C11orf65: variants seen among roughly 807,000 people sequenced by gnomAD.
C11orf65 encodes the protein protein MFI.
C11orf65 carries 38 observed loss-of-function variants against 35.3 expected under a neutral mutation model. The ratio of observed to expected loss-of-function variants is 1.08; its 90% CI spans 0.83 to 1.41. The LOEUF is 1.41. Among genes scored for constraint, C11orf65 ranks in the 40% most tolerant of loss-of-function variants. C11orf65 has a pLI of 0.00. For synonymous variants in C11orf65, 105 were observed against 114.4 expected (o/e 0.92, Z 0.53); for missense variants, 370 against 367.1 (o/e 1.01, Z -0.06).
At chr11:108,336,141 T>TAA (rs374306537) in intron 2 of C11orf65, 38 of 440,928 alleles carry the variant, frequency 8.6e-5, no homozygotes, top group African/African-American at 1.6e-4. Flanking sequence ...GACAAAAAGT[T>TAA]AAAAAAAAAA....
chr11:108,413,766 T>C (rs745351023), intron 3 of C11orf65, among the ~76,000 whole-genome samples: 6 of 152,114 alleles, frequency 3.9e-5, no homozygotes, highest in Non-Finnish European at 7.4e-5. Context: ...AACAGAGAGA[T>C]AACTGGAAAA....
intron 2 of C11orf65, among the ~76,000 whole-genome samples, chr11:108,449,819 C>T (rs1024672531): frequency 6.6e-6 from 1 of 151,842 alleles, no homozygotes; most frequent in Admixed American, 6.6e-5. Context: ...TTCTGCACAG[C>T]AAAAGAAACT....
rs374551964 is a variant in C11orf65 at position 108,321,399 on chromosome 11, G to C, written c.641-12328C>G. 48 of 1,614,046 alleles carry C rather than the reference G, an allele frequency of 3.0e-5. No individual in the cohort carries two copies. Among genetic ancestry groups the C allele is most frequent in the Non-Finnish European group, 4.0e-5 (47 of 1,180,024 alleles). ...TTGCAGGCCATTGGAGAGCTGGAAAGCATTGGGGAGCTTTTCTCAAGGTAT... is the reference window on the plus strand; with the variant it reads ...TTGCAGGCCATTGGAGAGCTGGAAACCATTGGGGAGCTTTTCTCAAGGTAT... On this transcript the variant is annotated intron_variant, in intron 6 of 6. Coordinates refer to the C11orf65 transcript ENST00000525729.
Position 108,406,922 on chromosome 11 carries a change from G to A in C11orf65, c.270C>T (p.His90=). The A allele has an allele frequency of 6.2e-7, 1 of 1,612,418 alleles. No homozygotes were observed. The highest frequency in any genetic ancestry group is 8.5e-7 in the Non-Finnish European group (1 of 1,178,716). ...TAGCACAGAGATCTTCAATAGGTCT[G>A]TGAGTAAAAATCTTATAGTATATAT... ...PPDIYYKIFT[H]RPIEDLCANS... The change falls in exon 5 of 9, where the codon CAC becomes CAT. Residue 90 remains histidine, a synonymous_variant. Coordinates refer to ENST00000393084, the MANE Select transcript of C11orf65 (RefSeq NM_152587.5).
At chr11:108,333,003 A>G (rs890962335) in intron 3 of C11orf65, 6 of 1,402,652 alleles carry the variant, frequency 4.3e-6, no homozygotes, top group South Asian at 1.2e-5. Flanking sequence ...TAAAATCACA[A>G]ACGTAATCCA....
intron 2 of C11orf65, among the ~76,000 whole-genome samples, chr11:108,432,397 C>A (rs1165296324): frequency 6.6e-6 from 1 of 152,176 alleles, no homozygotes; most frequent in Admixed American, 6.5e-5. Flanking sequence ...GTTACCATTG[C>A]AGAATCCTCC....
intron 6 of C11orf65, among the ~76,000 whole-genome samples, chr11:108,316,805 A>C (rs1034351735): frequency 6.7e-6 from 1 of 149,600 alleles, no homozygotes; most frequent in South Asian, 2.1e-4. Context: ...GGGTGCCTGT[A>C]GGCCCAGCTA....
intron 6 of C11orf65, among the ~76,000 whole-genome samples, chr11:108,404,493 C>T (rs1367538308): frequency 1.3e-5 from 2 of 151,760 alleles, no homozygotes; most frequent in African/African-American, 2.4e-5. Flanking sequence ...CTGCAAGCTC[C>T]GCCTCCTGGG....
chr11:108,447,204 G>A (rs965866410), intron 2 of C11orf65, among the ~76,000 whole-genome samples: 4 of 152,184 alleles, frequency 2.6e-5, no homozygotes, highest in Admixed American at 2.6e-4. Context: ...ACACCCCACT[G>A]TCAACATTAG....
At chr11:108,327,838 C>A (rs2136383172), downstream of C11orf65, 1 of 1,096,696 alleles carries the variant, frequency 9.1e-7, no homozygotes, top group Non-Finnish European at 1.4e-6. Context: ...AATATATTTC[C>A]AAAGCAAATA....
rs141858047 is a variant in C11orf65, at chr11:108,385,979, A to C, written c.732-4T>G. 1.9e-4 allele frequency: 312 copies of C among 1,611,936 alleles called. 2 individuals carry two copies. In the African/African-American group the frequency reaches 3.8e-3, roughly 19 times the overall value. ...TTCCTTCCAGCTGGCAATGTACCTA[A>C]GCACATTATATGAGGATTCATTAAA... On this transcript the variant is annotated splice_region_variant and splice_polypyrimidine_tract_variant and intron_variant, in intron 7 of 8. Transcript: ENST00000393084.
At chr11:108,315,054 T>C (rs980066360) in intron 6 of C11orf65, among the ~76,000 whole-genome samples, 9 of 152,210 alleles carry the variant, frequency 5.9e-5, no homozygotes, top group Admixed American at 4.6e-4. Context: ...GTGGTGTTAA[T>C]CAAGGCTTAT....
rs186524114 is a variant in C11orf65 at position 108,348,775 on chromosome 11, T to C, written c.227-13483A>G. Among the ~76,000 whole-genome samples the C allele has an allele frequency of 3.3e-5, 5 of 152,228 alleles. No homozygotes were observed. In the East Asian group the frequency reaches 7.7e-4, roughly 23 times the overall value. On this transcript the variant is annotated intron_variant, in intron 2 of 3. Transcript: ENST00000524755. Reference sequence around the variant, plus strand: ...GAGAGAAAATATGCCATATTCACTATAAAACAAAGAAGAAAACCCTGTCTT... The same window carrying C: ...GAGAGAAAATATGCCATATTCACTACAAAACAAAGAAGAAAACCCTGTCTT...
At chr11:108,370,850 T>C (rs1224327913) in intron 2 of C11orf65, among the ~76,000 whole-genome samples, 1 of 152,196 alleles carries the variant, frequency 6.6e-6, no homozygotes, top group African/African-American at 2.4e-5. Flanking sequence ...ATTTTATCTA[T>C]TGCTTTATTT....
chr11:108,338,458 C>T (rs937968811), intron 2 of C11orf65, among the ~76,000 whole-genome samples: 2 of 152,136 alleles, frequency 1.3e-5, no homozygotes, highest in African/African-American at 4.8e-5. Context: ...AGTTTGAAAC[C>T]AACCTGGGCA....
intron 2 of C11orf65, among the ~76,000 whole-genome samples, chr11:108,442,516 A>G (rs1358298522): frequency 6.6e-6 from 1 of 152,220 alleles, no homozygotes; most frequent in Admixed American, 6.5e-5. Flanking sequence ...CCCAAGACAC[A>G]TAATTGTCAG....
chr11:108,358,692 A>G, intron 2 of C11orf65, among the ~76,000 whole-genome samples: 1 of 150,094 alleles, frequency 6.7e-6, no homozygotes, highest in Non-Finnish European at 1.5e-5. Context: ...ATCCAGCCAA[A>G]CTAAGCTTCA....
intron 2 of C11orf65, among the ~76,000 whole-genome samples, chr11:108,357,502 A>G (rs1263926359): frequency 6.6e-6 from 1 of 152,218 alleles, no homozygotes; most frequent in Non-Finnish European, 1.5e-5. Flanking sequence ...GGGCACAGAC[A>G]AACAAAAAGA....
chr11:108,395,835 A>G (rs1210735512), intron 6 of C11orf65, among the ~76,000 whole-genome samples: 1 of 132,498 alleles, frequency 7.5e-6, no homozygotes, highest in Non-Finnish European at 1.6e-5. Context: ...GTGAGCCCGG[A>G]TGGTCTCGAT....
Sources: gnomAD v4.1 joint callset for allele counts (sites outside exome capture counted in the v4.1 genomes callset) on GRCh38, gnomAD v4.1.1 for gene constraint, MANE v1.5 for transcripts, NCBI Gene and HGNC (gene_info 2026-07-23, HGNC 2026-07-21) for gene names.